YIPF3: variants seen among roughly 807,000 people sequenced by gnomAD.
YIPF3 encodes the protein protein YIPF3.
YIPF3 carries 18 observed loss-of-function variants against 40.3 expected under a neutral mutation model. The observed-to-expected ratio is 0.45, with a 90% confidence interval of 0.31 to 0.66. YIPF3 has a LOEUF of 0.66. Ranked by LOEUF, YIPF3 falls within the 30% of genes least tolerant of loss-of-function variation. YIPF3 has a pLI of 0.07. For synonymous variants in YIPF3, 190 were observed against 179.6 expected (o/e 1.06, Z -0.46); for missense variants, 406 against 452.2 (o/e 0.90, Z 0.93).
At chr6:43,513,320 T>G (rs535968037) in intron 5 of YIPF3, 39 bp downstream of exon 5, 6 of 1,613,542 alleles carry the variant, frequency 3.7e-6, no homozygotes, top group Non-Finnish European at 5.1e-6. Context: ...GCTTTCAACC[T>G]AGTGCAGCCA....
rs540221270 is a variant in YIPF3 at position 43,516,326 on chromosome 6, C to T, written c.82-231G>A. 211 of 968,558 alleles carry T rather than the reference C, an allele frequency of 2.2e-4. No individual in the cohort carries two copies. In the African/African-American group the frequency reaches 2.9e-3, roughly 13 times the overall value. 60.0% of individuals were successfully genotyped at this position (968,558 alleles called of 1,614,324 possible). On this transcript the variant is annotated intron_variant, in intron 1 of 8. Coordinates refer to ENST00000372422, the MANE Select transcript of YIPF3 (RefSeq NM_015388.4). ...ACTAGTCTTCCATTCATGTCTTTCT[C>T]CTATGTTACCTATCAAAGACTAAAA...
intron 1 of YIPF3, 32 bp downstream of exon 1, chr6:43,516,695 G>A: frequency 6.2e-7 from 1 of 1,610,326 alleles, no homozygotes; most frequent in Non-Finnish European, 8.5e-7. Context: ...CGGCCCTCCG[G>A]CTGCTGGCAG....
intron 1 of YIPF3, 102 bp downstream of exon 1, chr6:43,516,625 G>T: frequency 7.2e-7 from 1 of 1,384,452 alleles, no homozygotes; most frequent in Non-Finnish European, 1.0e-6. Context: ...AGAGAGTTTT[G>T]TAAATGGAGC....
At chr6:43,512,936 G>A (rs923321835) in intron 6 of YIPF3, 62 bp from the exon 7 acceptor site, 3 of 1,593,732 alleles carry the variant, frequency 1.9e-6, no homozygotes, top group Non-Finnish European at 2.6e-6. Flanking sequence ...GGCCCCTCAT[G>A]GGGACCCTGG....
At position 43,512,447 on chromosome 6, in the gene YIPF3, C is replaced by T; in HGVS notation, c.897G>A (p.Val299=). The T allele has an allele frequency of 6.2e-7, 1 of 1,614,238 alleles. No homozygotes were observed. Among genetic ancestry groups the T allele is most frequent in the South Asian group, 1.1e-5 (1 of 91,086 alleles). The change falls in exon 8 of 9, where the codon GTG becomes GTA. Residue 299 remains valine, a synonymous_variant. Transcript: ENST00000372422. Reference sequence around the variant, plus strand: ...GACCTTCCTGCCACTTACCCTCTACCACTTTGTGGTAGGCAAAATGCAGAT... The same window carrying T: ...GACCTTCCTGCCACTTACCCTCTACTACTTTGTGGTAGGCAAAATGCAGAT... ...LLYLHFAYHK[V]VEGILDTLEG... is the part of the protein sequence containing the mutation.
At chr6:43,516,155 G>C (rs1244933409) in intron 1 of YIPF3, 60 bp from the exon 2 acceptor site, 2 of 1,600,862 alleles carry the variant, frequency 1.2e-6, no homozygotes, top group South Asian at 2.2e-5. Flanking sequence ...TAAGTCCTCT[G>C]CTCATCCCAG....
At position 43,512,111 on chromosome 6, in the gene YIPF3, T is replaced by A; in HGVS notation, c.*56A>T. 6.2e-7 allele frequency: 1 copy of A among 1,610,114 alleles called. No individual in the cohort carries two copies. ...TGTCATCAGGACTGTCCTTTAATAG[T>A]CTTCCTCCTCTCTGCAGCTGCGGGA... On this transcript the variant is annotated 3_prime_UTR_variant, in exon 9 of 9. Coordinates refer to ENST00000372422, the MANE Select transcript of YIPF3 (RefSeq NM_015388.4).
rs1792678979 is a variant in YIPF3 at position 43,512,055 on chromosome 6, AG to A, written c.*111del. ...GGAGGTACTTACGCAGCTACAGCTCAGTGGCAGCTGCAAACCCCATCTACGA... is the reference window on the plus strand; with the variant it reads ...GGAGGTACTTACGCAGCTACAGCTCATGGCAGCTGCAAACCCCATCTACGA... On this transcript the variant is annotated 3_prime_UTR_variant, in exon 9 of 9. Transcript: ENST00000372422. 1.3e-6 allele frequency: 2 copies of A among 1,508,680 alleles called. No homozygotes were observed. The highest frequency in any genetic ancestry group is 2.8e-5 in the African/African-American group (2 of 72,522). 93.5% of individuals were successfully genotyped at this position (1,508,680 alleles called of 1,614,324 possible).
At chr6:43,516,630 T>C in intron 1 of YIPF3, 97 bp downstream of exon 1, 1 of 1,410,006 alleles carries the variant, frequency 7.1e-7, no homozygotes, top group East Asian at 2.3e-5. Context: ...GTTTTGTAAA[T>C]GGAGCGGACT....
At chr6:43,516,645 G>T in intron 1 of YIPF3, 82 bp downstream of exon 1, 1 of 1,512,538 alleles carries the variant, frequency 6.6e-7, no homozygotes, top group Non-Finnish European at 9.0e-7. Flanking sequence ...CGGACTTCCA[G>T]GCCCAGAGGG....
chr6:43,512,086 T>G lies in YIPF3; in HGVS notation c.*81A>C, dbSNP rs1028662698. On this transcript the variant is annotated 3_prime_UTR_variant, in exon 9 of 9. Transcript: ENST00000372422. The stretch of plus-strand genomic sequence containing the variant: ...AGCTGCAAACCCCATCTACGAAACA[T>G]GTCATCAGGACTGTCCTTTAATAGT... 28 of 1,575,858 alleles carry G rather than the reference T, an allele frequency of 1.8e-5. No homozygotes were observed. In the African/African-American group the frequency reaches 3.8e-4, roughly 21 times the overall value.
At position 43,516,148 on chromosome 6, in the gene YIPF3, G is replaced by C. The variant is rs181445597; in HGVS notation, c.82-53C>G. 18 of 1,606,826 alleles carry C rather than the reference G, an allele frequency of 1.1e-5. No individual in the cohort carries two copies. In the Admixed American group the frequency reaches 2.4e-4, roughly 21 times the overall value. ...AGGACTTTTCTGTTCCATCCATTAAGTCCTCTGCTCATCCCAGGGTTTAGG... is the reference window on the plus strand; with the variant it reads ...AGGACTTTTCTGTTCCATCCATTAACTCCTCTGCTCATCCCAGGGTTTAGG... On this transcript the variant is annotated intron_variant, in intron 1 of 8. Coordinates refer to ENST00000372422, the MANE Select transcript of YIPF3 (RefSeq NM_015388.4).
intron 3 of YIPF3, among the ~76,000 whole-genome samples, chr6:43,514,622 A>T (rs1198520218): frequency 6.6e-6 from 1 of 152,176 alleles, no homozygotes; most frequent in Non-Finnish European, 1.5e-5. Flanking sequence ...TCATAGAATG[A>T]GTACTGTACT....
chr6:43,512,632 C>A, intron 7 of YIPF3, 69 bp from the exon 8 acceptor site: 1 of 1,551,576 alleles, frequency 6.4e-7, no homozygotes, highest in Non-Finnish European at 8.7e-7. Flanking sequence ...GACACCCCCA[C>A]CCAGGGCAGA....
intron 7 of YIPF3, 88 bp downstream of exon 7, chr6:43,512,673 G>T: frequency 6.5e-7 from 1 of 1,549,186 alleles, no homozygotes; most frequent in South Asian, 1.2e-5. Flanking sequence ...TCCCATTTAG[G>T]GCTCTTTGTG....
Position 43,516,758 on chromosome 6 carries a change from G to A in YIPF3, c.50C>T (p.Pro17Leu). 6.2e-7 allele frequency: 1 copy of A among 1,602,668 alleles called. No homozygotes were observed. Among genetic ancestry groups the A allele is most frequent in the Non-Finnish European group, 8.5e-7 (1 of 1,175,136 alleles). Reference sequence around the variant, plus strand: ...GTTTTCTTCGAACCCTCCCCATTCCGGGCCAGCTCCATTTCGGGCGCCGCC... The same window carrying A: ...GTTTTCTTCGAACCCTCCCCATTCCAGGCCAGCTCCATTTCGGGCGCCGCC... ...PAGGARNGAG[P>L]EWGGFEENIQ... Residue 17 changes from proline (P) to leucine (L), a missense_variant, in exon 1 of 9, where the codon CCG becomes CTG. Physicochemically the swap from Pro to Leu is moderately conservative, Grantham distance 98 (BLOSUM62 -3). Transcript: ENST00000372422.
Position 43,516,868 on chromosome 6 carries a change from TGTG to T in YIPF3, c.-64_-62del. ...AGCCCCGCGCGCGGAGTGGGCAAGA[TGTG>T]GGCCTCCGGAAGGTAGACGTCCAGG... On this transcript the variant is annotated 5_prime_UTR_variant, in exon 1 of 9. Transcript: ENST00000372422. The T allele has an allele frequency of 6.5e-7, 1 of 1,532,114 alleles. No homozygotes were observed. The allele number at this position is 1,532,114 out of a possible 1,614,324, so 94.9% of individuals were successfully genotyped here.
rs561270145 is a variant in YIPF3, at chr6:43,515,759, C to T, written c.289-58G>A. ...GTACTGTTGGTTCTAGATCCTGTTG[C>T]CTATTTTCCGTTTGATTTCTACATG... is the stretch of plus-strand genomic sequence containing the variant. On this transcript the variant is annotated intron_variant, in intron 2 of 8. Transcript: ENST00000372422. 8.1e-6 allele frequency: 13 copies of T among 1,607,032 alleles called. No individual in the cohort carries two copies. The Admixed American group carries it at 1.5e-4, about 19-fold the overall frequency.
intron 3 of YIPF3, 35 bp downstream of exon 3, chr6:43,515,560 T>C (rs768408958): frequency 6.2e-7 from 1 of 1,609,378 alleles, no homozygotes; most frequent in Non-Finnish European, 8.5e-7. Flanking sequence ...GTCTAGGTGT[T>C]AGGAGGGAAG....
Sources: allele counts gnomAD v4.1 joint callset (sites outside exome capture counted in the v4.1 genomes callset), GRCh38; gene constraint gnomAD v4.1.1; transcripts MANE v1.5; gene names NCBI Gene and HGNC (gene_info 2026-07-23, HGNC 2026-07-21).